The following SOX5 variants were observed in gnomAD, a reference collection of about 807,000 sequenced individuals.
SOX5 encodes the protein transcription factor SOX-5.
A neutral mutation model predicts 92.0 loss-of-function variants in SOX5; 9 were observed. The ratio of observed to expected loss-of-function variants is 0.10; its 90% confidence interval spans 0.06 to 0.17. SOX5 has a LOEUF of 0.17. SOX5 is among the 10% of genes least tolerant of loss of function. SOX5 has a pLI of 1.00. For synonymous variants in SOX5, 344 were observed against 336.3 expected (o/e 1.02, Z -0.25); for missense variants, 642 against 944.5 (o/e 0.68, Z 4.20).
chr12:24,014,858 C>T (rs1953395921), intron 4 of SOX5, among the ~76,000 whole-genome samples: 1 of 152,018 alleles, frequency 6.6e-6, no homozygotes, highest in Non-Finnish European at 1.5e-5. Flanking sequence ...TTGAGAAGCA[C>T]AGTATATTAT....
intron 4 of SOX5, among the ~76,000 whole-genome samples, chr12:24,013,339 A>G (rs1407470116): frequency 1.3e-5 from 2 of 152,204 alleles, no homozygotes; most frequent in African/African-American, 4.8e-5. Context: ...CTTCATAATA[A>G]AAAAGAGGTA....
At chr12:24,232,178 A>G (rs1021488416) in intron 3 of SOX5, among the ~76,000 whole-genome samples, 1 of 152,252 alleles carries the variant, frequency 6.6e-6, no homozygotes, top group East Asian at 1.9e-4. Context: ...AAAGACAGTA[A>G]TGGCTTACCT....
intron 9 of SOX5, among the ~76,000 whole-genome samples, chr12:23,595,503 C>T (rs1402564375): frequency 6.6e-6 from 1 of 151,392 alleles, no homozygotes; most frequent in African/African-American, 2.4e-5. Context: ...CCTGTTGTCC[C>T]AGCTACTTGA....
At chr12:24,004,394 C>G (rs891489448) in intron 4 of SOX5, among the ~76,000 whole-genome samples, 11 of 151,188 alleles carry the variant, frequency 7.3e-5, no homozygotes, top group Non-Finnish European at 1.6e-4. Flanking sequence ...GTACTTGAAT[C>G]CCAGATGAAG....
At chr12:23,892,440 C>T (rs994194479) in intron 2 of SOX5, among the ~76,000 whole-genome samples, 5 of 152,088 alleles carry the variant, frequency 3.3e-5, no homozygotes, top group Admixed American at 1.3e-4. Flanking sequence ...TGGTTTGATG[C>T]TAGTCTATAG....
At chr12:23,715,584 C>T (rs189519702) in intron 6 of SOX5, among the ~76,000 whole-genome samples, 18 of 152,206 alleles carry the variant, frequency 1.2e-4, no homozygotes, top group Non-Finnish European at 2.9e-5. Flanking sequence ...AGTACCTTAA[C>T]AACTTTTATG....
intron 8 of SOX5, 69 bp from the exon 9 acceptor site, chr12:23,604,602 A>G (rs2075004884): frequency 1.4e-6 from 2 of 1,453,542 alleles, no homozygotes; most frequent in Non-Finnish European, 1.9e-6. Context: ...CCATTCAGAA[A>G]GTACATATAT....
rs1447254649 is a variant in SOX5 at position 23,677,900 on chromosome 12, T to G, written c.811-12336A>C. Among the ~76,000 whole-genome samples, 3 of 152,282 alleles carry G rather than the reference T, an allele frequency of 2.0e-5. No homozygotes were observed. The South Asian group carries it at 6.2e-4, about 32-fold the overall frequency. On this transcript the variant is annotated intron_variant, in intron 6 of 14. Coordinates refer to ENST00000451604, the MANE Select transcript of SOX5 (RefSeq NM_006940.6). ...TACAGCTCCCCCAATTCAACTATAT[T>G]AGGGCCAAGTTAATGACTAGTTCCA...
rs1945426442 is a variant in SOX5 at position 23,557,721 on chromosome 12, A to C, written c.1488+5537T>G. On this transcript the variant is annotated intron_variant, in intron 11 of 14. Transcript: ENST00000451604. ...CCAGGCACATTGGCTCATGCCTGTC[A>C]TCCCAGCGCTTTGGGAGGCCAAGGC... 2.0e-5 allele frequency among the ~76,000 whole-genome samples: 3 copies of C among 152,336 alleles called. No individual in the cohort carries two copies. The South Asian group carries it at 6.2e-4, about 32-fold the overall frequency.
At chr12:23,810,498 C>T (rs1025128544) in intron 3 of SOX5, among the ~76,000 whole-genome samples, 1 of 152,100 alleles carries the variant, frequency 6.6e-6, no homozygotes, top group African/African-American at 2.4e-5. Flanking sequence ...AACAGCTGAG[C>T]TGACAGGATT....
chr12:24,525,850 A>T (rs1293259851), intron 1 of SOX5, among the ~76,000 whole-genome samples: 2 of 151,014 alleles, frequency 1.3e-5, no homozygotes, highest in East Asian at 3.9e-4. Context: ...GCGAGACTCC[A>T]TCTCAAAAAA....
chr12:23,865,251 C>T (rs1031922784), intron 2 of SOX5, among the ~76,000 whole-genome samples: 1 of 152,180 alleles, frequency 6.6e-6, no homozygotes, highest in Non-Finnish European at 1.5e-5. Flanking sequence ...GACAACGCAC[C>T]AAGTCACCCA....
At chr12:23,886,350 T>C (rs979578695) in intron 2 of SOX5, among the ~76,000 whole-genome samples, 2 of 152,184 alleles carry the variant, frequency 1.3e-5, no homozygotes, top group Non-Finnish European at 2.9e-5. Flanking sequence ...ATTTTTTAAA[T>C]AGGTTGTTAT....
intron 1 of SOX5, among the ~76,000 whole-genome samples, chr12:24,470,029 TATTA>T (rs1285899567): frequency 2.6e-5 from 4 of 152,198 alleles, no homozygotes; most frequent in Non-Finnish European, 4.4e-5. Context: ...ACTTTTAAAC[TATTA>T]ATTAAGCTAG....
chr12:23,968,162 T>C (rs1355045851), intron 4 of SOX5, among the ~76,000 whole-genome samples: 2 of 152,232 alleles, frequency 1.3e-5, no homozygotes, highest in African/African-American at 4.8e-5. Flanking sequence ...TTCAGCTAAA[T>C]AACTTCAAAG....
At chr12:23,832,437 AT>A (rs1209823253) in intron 3 of SOX5, among the ~76,000 whole-genome samples, 3 of 152,038 alleles carry the variant, frequency 2.0e-5, no homozygotes, top group Non-Finnish European at 4.4e-5. Flanking sequence ...GTTTCGGTAT[AT>A]AAAAGTATTC....
At chr12:23,537,521 C>T (rs950501029) in intron 13 of SOX5, among the ~76,000 whole-genome samples, 4 of 152,110 alleles carry the variant, frequency 2.6e-5, no homozygotes, top group African/African-American at 4.8e-5. Flanking sequence ...ACTGTAAATG[C>T]GTATTACGAT....
At chr12:24,101,632 A>G (rs539209002) in intron 4 of SOX5, among the ~76,000 whole-genome samples, 78 of 152,120 alleles carry the variant, frequency 5.1e-4, no homozygotes, top group Non-Finnish European at 9.1e-4. Context: ...ATCAAAATTC[A>G]CCAGCAGAAA....
At chr12:24,186,392 G>A (rs1310680755) in intron 4 of SOX5, among the ~76,000 whole-genome samples, 6 of 152,074 alleles carry the variant, frequency 3.9e-5, no homozygotes, top group African/African-American at 7.2e-5. Context: ...CTTAAGAGGC[G>A]TTTGTTTTTG....
Sources: allele counts gnomAD v4.1 joint callset (sites outside exome capture counted in the v4.1 genomes callset), GRCh38; gene constraint gnomAD v4.1.1; transcripts MANE v1.5; gene names NCBI Gene and HGNC (gene_info 2026-07-23, HGNC 2026-07-21).